The following XKR4 variants were observed in gnomAD, a reference collection of about 807,000 sequenced individuals.
The protein encoded by XKR4 is XK related 4.
In XKR4, 12 loss-of-function variants were observed where a neutral mutation model predicts 53.9. That is an observed-to-expected ratio of 0.22 (90% CI 0.14 to 0.36). The LOEUF (loss-of-function observed/expected upper bound fraction) is 0.36, where lower values mean the gene tolerates loss of function less well. Ranked by LOEUF, XKR4 falls within the 10% of genes least tolerant of loss-of-function variation. The pLI is 1.00. For missense variants in XKR4, 799 were observed against 859.5 expected (o/e 0.93, Z 0.88); for synonymous variants, 354 against 362.4 (o/e 0.98, Z 0.26).
chr8:55,375,947 T>C (rs1160180727), intron 2 of XKR4, among the ~76,000 whole-genome samples: 1 of 152,152 alleles, frequency 6.6e-6, no homozygotes, highest in East Asian at 1.9e-4. Flanking sequence ...TTCTCATTGT[T>C]CAGCTCCCAC....
intron 2 of XKR4, among the ~76,000 whole-genome samples, chr8:55,416,867 T>G (rs1006039598): frequency 3.8e-4 from 58 of 152,382 alleles, no homozygotes; most frequent in African/African-American, 1.3e-3. Flanking sequence ...TTTCTATGAC[T>G]GCATAATCTA....
chr8:55,493,091 T>C lies in XKR4; in HGVS notation c.1007-30190T>C, dbSNP rs563592189. On this transcript the variant is annotated intron_variant, in intron 2 of 2. Coordinates refer to ENST00000327381, the MANE Select transcript of XKR4 (RefSeq NM_052898.2). ...GAGGATAGTGTGGGCCAAGTGGATA[T>C]AGTATTGGTTCATTCAGAAAAATAC... Among the ~76,000 whole-genome samples the C allele has an allele frequency of 3.9e-5, 6 of 152,356 alleles. No individual in the cohort carries two copies. In the East Asian group the frequency reaches 5.8e-4, roughly 15 times the overall value.
In XKR4 at chr8:55,334,165, T is replaced by A. The variant is rs576253878; in HGVS notation, c.807-23513T>A. ...CATAGAGGACATTACCTCATAGATG[T>A]CAGAGAGGACTGAATAACCTAGAAT... On this transcript the variant is annotated intron_variant, in intron 1 of 2. Coordinates refer to ENST00000327381, the MANE Select transcript of XKR4 (RefSeq NM_052898.2). Among the ~76,000 whole-genome samples the A allele has an allele frequency of 1.5e-3, 230 of 152,300 alleles. 1 individual carries two copies. Among genetic ancestry groups the A allele is most frequent in the African/African-American group, 5.4e-3 (224 of 41,570 alleles).
At chr8:55,503,499 A>G (rs1806476729) in intron 2 of XKR4, among the ~76,000 whole-genome samples, 1 of 152,020 alleles carries the variant, frequency 6.6e-6, no homozygotes, top group Admixed American at 6.5e-5. Context: ...TGTATTGCAA[A>G]TATATTCATG....
At chr8:55,378,022 G>T (rs921306046) in intron 2 of XKR4, among the ~76,000 whole-genome samples, 3 of 152,164 alleles carry the variant, frequency 2.0e-5, no homozygotes, top group African/African-American at 7.2e-5. Flanking sequence ...TGTCTTCATC[G>T]GGGGAATAGA....
intron 2 of XKR4, among the ~76,000 whole-genome samples, chr8:55,428,217 G>A (rs1805045719): frequency 3.3e-5 from 5 of 152,132 alleles, no homozygotes; most frequent in Non-Finnish European, 7.3e-5. Context: ...GAACAGTATA[G>A]AGATTAGCAA....
intron 2 of XKR4, among the ~76,000 whole-genome samples, chr8:55,457,524 T>A (rs1446046819): frequency 2.6e-5 from 4 of 152,220 alleles, no homozygotes; most frequent in Non-Finnish European, 4.4e-5. Context: ...AATAAACACA[T>A]TTCCAAGTAA....
intron 1 of XKR4, among the ~76,000 whole-genome samples, chr8:55,199,471 C>T (rs1563481021): frequency 1.3e-5 from 2 of 152,158 alleles, no homozygotes; most frequent in Non-Finnish European, 2.9e-5. Context: ...TAAAATAATT[C>T]TGCATATGGT....
At chr8:55,112,575 T>G (rs1318172039) in intron 1 of XKR4, among the ~76,000 whole-genome samples, 1 of 139,278 alleles carries the variant, frequency 7.2e-6, no homozygotes, top group Non-Finnish European at 1.6e-5. Flanking sequence ...TTTTTTTTTT[T>G]TTTTTTTTTT....
chr8:55,344,319 G>A (rs1379917797), intron 1 of XKR4, among the ~76,000 whole-genome samples: 1 of 152,172 alleles, frequency 6.6e-6, no homozygotes, highest in Non-Finnish European at 1.5e-5. Context: ...ACAAACACAT[G>A]CACACAGACA....
intron 2 of XKR4, among the ~76,000 whole-genome samples, chr8:55,441,592 G>C (rs572264084): frequency 5.9e-5 from 9 of 152,208 alleles, no homozygotes; most frequent in Non-Finnish European, 1.0e-4. Context: ...TATGACAACA[G>C]ACCAAATTCT....
intron 1 of XKR4, among the ~76,000 whole-genome samples, chr8:55,345,913 A>C (rs1563329185): frequency 6.6e-6 from 1 of 151,882 alleles, no homozygotes; most frequent in Non-Finnish European, 1.5e-5. Flanking sequence ...CAATTCATTC[A>C]CTTTTTTTTT....
chr8:55,256,037 T>A (rs1194730847), intron 1 of XKR4, among the ~76,000 whole-genome samples: 1 of 151,380 alleles, frequency 6.6e-6, no homozygotes, highest in Non-Finnish European at 1.5e-5. Flanking sequence ...GGGATGCCCC[T>A]TTTCTAGGGG....
intron 1 of XKR4, among the ~76,000 whole-genome samples, chr8:55,202,187 T>C (rs550583840): frequency 6.6e-6 from 1 of 152,294 alleles, no homozygotes; most frequent in South Asian, 2.1e-4. Context: ...TGGACCTGCC[T>C]TTTAAAAGTT....
intron 2 of XKR4, among the ~76,000 whole-genome samples, chr8:55,408,941 AG>A (rs1197421096): frequency 6.8e-6 from 1 of 146,224 alleles, no homozygotes; most frequent in African/African-American, 2.6e-5. Flanking sequence ...CGGGAAGCAG[AG>A]GTTGCAGTGA....
At chr8:55,343,106 G>C (rs560856339) in intron 1 of XKR4, among the ~76,000 whole-genome samples, 1 of 152,288 alleles carries the variant, frequency 6.6e-6, no homozygotes, top group South Asian at 2.1e-4. Context: ...CTTTTCTCGA[G>C]AAGGGCTCTG....
intron 2 of XKR4, among the ~76,000 whole-genome samples, chr8:55,471,216 C>A (rs1282936813): frequency 6.6e-6 from 1 of 152,056 alleles, no homozygotes; most frequent in African/African-American, 2.4e-5. Context: ...ACAGAAAGTT[C>A]TATCAGGCAG....
chr8:55,404,933 G>A (rs933914538), intron 2 of XKR4, among the ~76,000 whole-genome samples: 3 of 152,134 alleles, frequency 2.0e-5, no homozygotes, highest in Non-Finnish European at 4.4e-5. Context: ...CACGGATTAC[G>A]TCTTTGATGC....
intron 2 of XKR4, among the ~76,000 whole-genome samples, chr8:55,486,249 A>T (rs2129401694): frequency 6.6e-6 from 1 of 152,316 alleles, no homozygotes; most frequent in African/African-American, 2.4e-5. Context: ...CATGACAGAA[A>T]ACCTAAGTCT....
Sources: gnomAD v4.1 joint callset for allele counts (sites outside exome capture counted in the v4.1 genomes callset) on GRCh38, gnomAD v4.1.1 for gene constraint, MANE v1.5 for transcripts, NCBI Gene and HGNC (gene_info 2026-07-23, HGNC 2026-07-21) for gene names.